The following RBFOX1 variants were observed in gnomAD, a reference collection of about 807,000 sequenced individuals.
RBFOX1 encodes the protein RNA binding protein fox-1 homolog 1.
In RBFOX1, 8 loss-of-function variants were observed where a neutral mutation model predicts 57.7. The ratio of observed to expected loss-of-function variants is 0.14; its 90% CI spans 0.08 to 0.25. RBFOX1 has a LOEUF of 0.25. Ranked by LOEUF, RBFOX1 falls within the 10% of genes least tolerant of loss-of-function variation. RBFOX1 has a pLI of 1.00. For synonymous variants in RBFOX1, 326 were observed against 222.4 expected, an observed-to-expected ratio of 1.47 and a Z score of -4.15; for missense variants, 611 against 548.5, an observed-to-expected ratio of 1.11 and a Z score of -1.14.
intron 1 of RBFOX1, among the ~76,000 whole-genome samples, chr16:6,263,887 A>G (rs1205805822): frequency 1.3e-5 from 2 of 152,170 alleles, no homozygotes; most frequent in African/African-American, 4.8e-5. Flanking sequence ...AGCAGTGGCC[A>G]CCACCAGCAA....
chr16:6,914,477 T>G (rs1465609959), intron 3 of RBFOX1, among the ~76,000 whole-genome samples: 1 of 151,800 alleles, frequency 6.6e-6, no homozygotes, highest in Non-Finnish European at 1.5e-5. Flanking sequence ...GACCTAGGTG[T>G]CTCACCTCCA....
At chr16:6,971,287 G>A (rs1203887594) in intron 3 of RBFOX1, among the ~76,000 whole-genome samples, 1 of 152,156 alleles carries the variant, frequency 6.6e-6, no homozygotes, top group Non-Finnish European at 1.5e-5. Context: ...TCATATGTAA[G>A]CTGAGATAGG....
intron 4 of RBFOX1, among the ~76,000 whole-genome samples, chr16:7,420,385 T>A (rs2098528911): frequency 6.6e-6 from 1 of 152,112 alleles, no homozygotes; most frequent in South Asian, 2.1e-4. Context: ...GATTGAGGTA[T>A]AAGAAGGAGG....
intron 2 of RBFOX1, among the ~76,000 whole-genome samples, chr16:5,499,258 G>A (rs2043106026): frequency 6.6e-6 from 1 of 152,190 alleles, no homozygotes; most frequent in South Asian, 2.1e-4. Context: ...CTTATTTTGG[G>A]TAGAAAATAC....
chr16:6,766,244 T>G (rs1215164696), intron 3 of RBFOX1, among the ~76,000 whole-genome samples: 1 of 152,182 alleles, frequency 6.6e-6, no homozygotes, highest in Non-Finnish European at 1.5e-5. Flanking sequence ...TTTCCTCTCC[T>G]TGTCATTGTT....
At chr16:7,663,504 C>CGTGTGTGTGTGT (rs57358282) in intron 12 of RBFOX1, among the ~76,000 whole-genome samples, 122 of 148,956 alleles carry the variant, frequency 8.2e-4, no homozygotes, top group Middle Eastern at 3.5e-3. Context: ...GTCAGTACAG[C>CGTGTGTGTGTGT]GTGTGTGTGT....
intron 1 of RBFOX1, among the ~76,000 whole-genome samples, chr16:6,179,506 G>C (rs2152785120): frequency 6.6e-6 from 1 of 152,214 alleles, no homozygotes; most frequent in Non-Finnish European, 1.5e-5. Context: ...CTGGGCTGTA[G>C]CATCACCCTC....
intron 3 of RBFOX1, among the ~76,000 whole-genome samples, chr16:6,995,045 G>A (rs1191671476): frequency 6.6e-6 from 1 of 150,586 alleles, no homozygotes; most frequent in East Asian, 2.0e-4. Context: ...TATTAGGCTG[G>A]CTAATTATTG....
At chr16:6,788,012 C>T (rs2082253168) in intron 3 of RBFOX1, among the ~76,000 whole-genome samples, 1 of 152,036 alleles carries the variant, frequency 6.6e-6, no homozygotes, top group South Asian at 2.1e-4. Context: ...CGCTTGAGGT[C>T]AGGAGTTCGA....
intron 2 of RBFOX1, among the ~76,000 whole-genome samples, chr16:6,422,622 C>T (rs907408443): frequency 4.6e-5 from 7 of 152,092 alleles, no homozygotes; most frequent in African/African-American, 1.2e-4. Context: ...AAGACAAAGG[C>T]GGAGTAAGGT....
chr16:7,380,143 C>A (rs914989389), intron 4 of RBFOX1, among the ~76,000 whole-genome samples: 1 of 152,310 alleles, frequency 6.6e-6, no homozygotes, highest in Middle Eastern at 3.4e-3. Flanking sequence ...CAGGTGTGAG[C>A]TGTGCCTGGC....
At position 6,019,522 on chromosome 16, in the gene RBFOX1, G is replaced by A. The variant is rs2095027372; in HGVS notation, c.-597G>A. ...CAGCAGCACCCGCGGTGGGGCGGGG[G>A]CGCTCTGCCAGCCCCGGGAACAGCA... On this transcript the variant is annotated 5_prime_UTR_variant, in exon 1 of 16. Coordinates refer to ENST00000550418, the MANE Select transcript of RBFOX1 (RefSeq NM_018723.4). This position sits in a 1 kb window ranked among gnomAD's most constrained non-coding sequence, Gnocchi z 4.2. 9.4e-7 allele frequency: 1 copy of A among 1,058,662 alleles called. No individual in the cohort carries two copies. The highest frequency in any genetic ancestry group is 1.1e-6 in the Non-Finnish European group (1 of 877,582). 65.6% of individuals were successfully genotyped at this position (1,058,662 alleles called of 1,614,324 possible). A position where few individuals can be genotyped will look rare whatever the true frequency, so the allele number is the denominator to read the frequency against.
intron 4 of RBFOX1, among the ~76,000 whole-genome samples, chr16:5,971,998 T>C (rs899190383): frequency 6.6e-6 from 1 of 152,196 alleles, no homozygotes; most frequent in Admixed American, 6.5e-5. Context: ...GACTTCAAAC[T>C]GGGACGTGTG....
chr16:6,412,210 A>T lies in RBFOX1; in HGVS notation c.-64+95153A>T, dbSNP rs1353467414. 2.6e-5 allele frequency among the ~76,000 whole-genome samples: 4 copies of T among 152,252 alleles called. No individual in the cohort carries two copies. The East Asian group carries it at 5.8e-4, about 22-fold the overall frequency. ...AGTAGTCAAATACTGGGTAATTTCC[A>T]TATTATACGAGTTAGAAACATGAAT... On this transcript the variant is annotated intron_variant, in intron 2 of 15. Coordinates refer to ENST00000550418, the MANE Select transcript of RBFOX1 (RefSeq NM_018723.4).
intron 2 of RBFOX1, among the ~76,000 whole-genome samples, chr16:6,337,082 A>G (rs558222501): frequency 1.3e-5 from 2 of 152,308 alleles, no homozygotes; most frequent in Admixed American, 6.5e-5. Context: ...AGAGCACTTT[A>G]TATTACTCGA....
At chr16:7,542,888 C>T (rs569282416) in intron 5 of RBFOX1, among the ~76,000 whole-genome samples, 3 of 151,422 alleles carry the variant, frequency 2.0e-5, no homozygotes, top group South Asian at 2.1e-4. Context: ...TAGCTAGGCA[C>T]ACATAATTGT....
At chr16:7,699,710 T>C (rs951674580) in intron 14 of RBFOX1, among the ~76,000 whole-genome samples, 3 of 152,148 alleles carry the variant, frequency 2.0e-5, no homozygotes, top group Admixed American at 6.5e-5. Flanking sequence ...TTGAATATTC[T>C]GGAGAAAATA....
chr16:7,364,746 C>G (rs2097405144), intron 4 of RBFOX1, among the ~76,000 whole-genome samples: 2 of 152,164 alleles, frequency 1.3e-5, no homozygotes, highest in Admixed American at 1.3e-4. Context: ...GCAGGGAATA[C>G]TTGCTAGTTG....
intron 1 of RBFOX1, among the ~76,000 whole-genome samples, chr16:6,036,808 G>T (rs922407341): frequency 6.6e-6 from 1 of 152,150 alleles, no homozygotes; most frequent in Non-Finnish European, 1.5e-5. Context: ...TTTTTATCTG[G>T]GCAGAAGGCT....
Sources: gnomAD v4.1 joint callset for allele counts (sites outside exome capture counted in the v4.1 genomes callset) on GRCh38, gnomAD v4.1.1 for gene constraint, Gnocchi (gnomAD v3.1) non-coding constraint, MANE v1.5 for transcripts, NCBI Gene and HGNC (gene_info 2026-07-23, HGNC 2026-07-21) for gene names.